The following NDRG4 variants were observed in gnomAD, a reference collection of about 807,000 sequenced individuals.
NDRG4 encodes the protein NDRG family member 4, also known as protein NDRG4.
A neutral mutation model predicts 55.8 loss-of-function variants in NDRG4; 38 were observed. The ratio of observed to expected loss-of-function variants is 0.68; its 90% CI spans 0.53 to 0.89. NDRG4 has a LOEUF of 0.89. Among genes scored for constraint, NDRG4 ranks in the 40% least tolerant of loss-of-function variants. The pLI, the probability that NDRG4 is intolerant of heterozygous loss-of-function variation, is 0.00. For synonymous variants in NDRG4, 190 were observed against 182.7 expected, an observed-to-expected ratio of 1.04 and a Z score of -0.32; for missense variants, 455 against 468.6, an observed-to-expected ratio of 0.97 and a Z score of 0.27.
Position 58,506,560 on chromosome 16 carries a change from C to G in NDRG4, c.462C>G (p.Leu154=). The change falls in exon 7 of 15, where the codon CTC becomes CTG. Residue 154 remains leucine, a splice_region_variant and synonymous_variant. Transcript: ENST00000570248. The part of the protein sequence containing the change: ...KGWIDWAATK[L]SGLTSTLPDT... ...CGCTGGCGCCCTGCTCCCTGCAGCT[C>G]TCCGGCCTAACTAGCACTTTACCCG... 6.3e-7 allele frequency: 1 copy of G among 1,595,992 alleles called. No homozygotes were observed. Among genetic ancestry groups the G allele is most frequent in the Non-Finnish European group, 8.5e-7 (1 of 1,173,208 alleles).
intron 2 of NDRG4, among the ~76,000 whole-genome samples, chr16:58,489,547 C>T (rs1354351980): frequency 1.3e-5 from 2 of 151,958 alleles, no homozygotes; most frequent in Non-Finnish European, 2.9e-5. Context: ...CTCTCTAACC[C>T]CTGGGTCTAA....
chr16:58,510,391 G>C lies in NDRG4; in HGVS notation c.866-254G>C, dbSNP rs246192. 0.63 allele frequency among the ~76,000 whole-genome samples: 96,132 copies of C among 152,114 alleles called. 31,498 individuals are homozygous for C. Among genetic ancestry groups the C allele is most frequent in the East Asian group, 0.95 (4,920 of 5,154 alleles). ...CTGTATGCAGGAGACTGAGGCCTAG[G>C]AGAATGGTGAGGGGATAAGCACCCC... is the stretch of plus-strand genomic sequence containing the variant. On this transcript the variant is annotated intron_variant, in intron 13 of 14. Transcript: ENST00000570248.
chr16:58,503,200 G>T (rs1002448482), intron 1 of NDRG4, among the ~76,000 whole-genome samples: 1 of 149,384 alleles, frequency 6.7e-6, no homozygotes, highest in Non-Finnish European at 1.5e-5. Context: ...GGGATGGGGA[G>T]GGGGGTCTGA....
At chr16:58,503,636 C>A in intron 1 of NDRG4, 162 bp from the exon 2 acceptor site, 1 of 1,384,602 alleles carries the variant, frequency 7.2e-7, no homozygotes, top group Non-Finnish European at 9.9e-7. Context: ...GTGTTCCATC[C>A]ATTCAGTCCT....
Position 58,507,787 on chromosome 16 carries a change from GC to G in NDRG4, c.621-17del, listed in dbSNP as rs1196705612. On this transcript the variant is annotated intron_variant, in intron 8 of 14. Coordinates refer to ENST00000570248, the MANE Select transcript of NDRG4 (RefSeq NM_001242835.2). ...TCCTGGGGTGCCCACCTCTGCCTCT[GC>G]CCCTCCCCCTGCCCCACAGCCGCAG... 3.7e-6 allele frequency: 6 copies of G among 1,612,208 alleles called. No individual in the cohort carries two copies. The highest frequency in any genetic ancestry group is 1.7e-5 in the Admixed American group (1 of 59,974).
chr16:58,508,004 G>A lies in NDRG4; in HGVS notation c.729+5G>A. ...GCACCCGCTGAGGACGGGGTGGTAA[G>A]TGAGGGGCTGTGGGCTCACTGGGGG... On this transcript the variant is annotated splice_donor_5th_base_variant and intron_variant, in intron 10 of 14. Coordinates refer to ENST00000570248, the MANE Select transcript of NDRG4 (RefSeq NM_001242835.2). 2 of 1,557,136 alleles carry A rather than the reference G, an allele frequency of 1.3e-6. No individual in the cohort carries two copies. The highest frequency in any genetic ancestry group is 1.7e-6 in the Non-Finnish European group (2 of 1,147,272).
intron 1 of NDRG4, chr16:58,487,648 G>A (rs2035257442): frequency 3.4e-5 from 27 of 804,460 alleles, no homozygotes; most frequent in Non-Finnish European, 4.9e-5. Flanking sequence ...GGGCCAGGGG[G>A]ACAGTGCATC....
At chr16:58,482,808 T>C (rs1376082228) in intron 1 of NDRG4, among the ~76,000 whole-genome samples, 4 of 150,208 alleles carry the variant, frequency 2.7e-5, no homozygotes, top group African/African-American at 4.9e-5. Context: ...CTTTCTCTCT[T>C]TCTTTCTTTT....
Position 58,511,946 on chromosome 16 carries a change from C to A in NDRG4, c.*370C>A, listed in dbSNP as rs1029162441. 2.4e-5 allele frequency: 11 copies of A among 457,582 alleles called. No individual in the cohort carries two copies. The highest frequency in any genetic ancestry group is 6.5e-5 in the South Asian group (4 of 61,978). 28.3% of individuals were successfully genotyped at this position (457,582 alleles called of 1,614,324 possible). A position where few individuals can be genotyped will look rare whatever the true frequency, so the allele number is the denominator to read the frequency against. Reference sequence around the variant, plus strand: ...GAGAGAGGCTTCGAGAGGGTGGGTGCTGGGCCACAGGGGTGCGGGGCCAGC... The same window carrying A: ...GAGAGAGGCTTCGAGAGGGTGGGTGATGGGCCACAGGGGTGCGGGGCCAGC... On this transcript the variant is annotated 3_prime_UTR_variant, in exon 15 of 15. Transcript: ENST00000570248.
rs2036989834 is a variant in NDRG4, at chr16:58,500,873, G to C, written c.21+604G>C. On this transcript the variant is annotated intron_variant, in intron 1 of 14. Coordinates refer to ENST00000570248, the MANE Select transcript of NDRG4 (RefSeq NM_001242835.2). ...ACCTCACAGTTCCCAGGGCTCTGCT[G>C]CGCCAGCCGGGCAGAGGCAAGGAGG... is the stretch of plus-strand genomic sequence containing the variant. The C allele has an allele frequency of 1.1e-5, 7 of 610,572 alleles. No individual in the cohort carries two copies. The South Asian group carries it at 4.8e-4, about 42-fold the overall frequency. 37.8% of individuals were successfully genotyped at this position (610,572 alleles called of 1,614,324 possible).
chr16:58,494,365 A>C (rs1289036353), intron 2 of NDRG4, among the ~76,000 whole-genome samples: 1 of 152,066 alleles, frequency 6.6e-6, no homozygotes, highest in East Asian at 1.9e-4. Flanking sequence ...CCCCATCCCT[A>C]CAAGTGGGCA....
intron 1 of NDRG4, among the ~76,000 whole-genome samples, chr16:58,486,175 CATTT>C (rs1480773759): frequency 2.0e-5 from 3 of 151,958 alleles, no homozygotes; most frequent in Admixed American, 1.3e-4. Context: ...TTCATTCATT[CATTT>C]GAGACACGGT....
At chr16:58,498,532 G>T (rs531828040), upstream of NDRG4, among the ~76,000 whole-genome samples, 1 of 152,318 alleles carries the variant, frequency 6.6e-6, no homozygotes, top group South Asian at 2.1e-4. Flanking sequence ...GGTGAGTGGC[G>T]TGTTCCTTCT....
chr16:58,484,014 G>A (rs1031586644), intron 1 of NDRG4, among the ~76,000 whole-genome samples: 3 of 152,234 alleles, frequency 2.0e-5, no homozygotes, highest in Admixed American at 2.0e-4. Flanking sequence ...AGGCTGCTGT[G>A]AGCCATGATT....
In NDRG4 at chr16:58,511,668, A is replaced by G; in HGVS notation, c.*92A>G. The G allele has an allele frequency of 6.7e-7, 1 of 1,487,584 alleles. No homozygotes were observed. Among genetic ancestry groups the G allele is most frequent in the South Asian group, 1.1e-5 (1 of 87,944 alleles). The allele number at this position is 1,487,584 out of a possible 1,614,324, so 92.1% of individuals were successfully genotyped here. A position where few individuals can be genotyped will look rare whatever the true frequency, so the allele number is the denominator to read the frequency against. On this transcript the variant is annotated 3_prime_UTR_variant, in exon 15 of 15. Transcript: ENST00000570248. ...CCCTTTAGTTTATTTTTGTGAGGGC[A>G]AAGGGGAGGAAATGGGGTTCTGTTT...
intron 1 of NDRG4, among the ~76,000 whole-genome samples, chr16:58,466,613 C>T (rs973468447): frequency 6.6e-6 from 1 of 152,202 alleles, no homozygotes; most frequent in Non-Finnish European, 1.5e-5. Context: ...TCACAGGCTC[C>T]GCCCCCATTG....
chr16:58,469,650 C>G (rs1445139468), intron 1 of NDRG4, among the ~76,000 whole-genome samples: 1 of 152,160 alleles, frequency 6.6e-6, no homozygotes, highest in Non-Finnish European at 1.5e-5. Flanking sequence ...TACCAGAGAA[C>G]CCCAGGTAGC....
chr16:58,502,151 A>G, intron 1 of NDRG4: 1 of 400,312 alleles, frequency 2.5e-6, no homozygotes, highest in South Asian at 1.7e-5. Flanking sequence ...ACCTTGGGCA[A>G]GTCATTTCCC....
intron 1 of NDRG4, chr16:58,475,794 C>A: frequency 2.6e-6 from 1 of 379,654 alleles, no homozygotes. Context: ...CAAAGAATGG[C>A]ATGTCTCCCC....
Sources: gnomAD v4.1 joint callset for allele counts (sites outside exome capture counted in the v4.1 genomes callset) on GRCh38, gnomAD v4.1.1 for gene constraint, MANE v1.5 for transcripts, NCBI Gene and HGNC (gene_info 2026-07-23, HGNC 2026-07-21) for gene names.